Variants in VRK2 observed in about 807,000 individuals in gnomAD.
The protein encoded by VRK2 is VRK serine/threonine kinase 2.
Under a neutral mutation model 57.6 loss-of-function variants are expected in VRK2, and 60 were observed. That is an observed-to-expected ratio of 1.04 (90% CI 0.85 to 1.29). The LOEUF is 1.29. Among genes scored for constraint, VRK2 ranks in the 50% most tolerant of loss-of-function variants. The probability of loss-of-function intolerance (pLI) is 0.00; values close to 1 mark genes in which losing one functional copy is unlikely to be tolerated. For missense variants in VRK2, 705 were observed against 588.1 expected, an observed-to-expected ratio of 1.20 and a Z score of -2.06; for synonymous variants, 231 against 199.2, an observed-to-expected ratio of 1.16 and a Z score of -1.35.
At chr2:57,918,348 A>AT (rs11410659) in intron 1 of VRK2, among the ~76,000 whole-genome samples, 105,270 of 151,560 alleles carry the variant, frequency 0.69, 38,057 homozygotes, top group African/African-American at 0.92. Flanking sequence ...TTTTCATTTC[A>AT]TTTTTTTTGA....
chr2:57,927,597 C>T (rs1670582439), intron 1 of VRK2, among the ~76,000 whole-genome samples: 1 of 152,182 alleles, frequency 6.6e-6, no homozygotes, highest in South Asian at 2.1e-4. Flanking sequence ...ACCACAATTA[C>T]AGTTATAATA....
upstream of VRK2, among the ~76,000 whole-genome samples, chr2:58,042,185 C>T (rs757028684): frequency 6.6e-6 from 1 of 152,024 alleles, no homozygotes; most frequent in Non-Finnish European, 1.5e-5. Flanking sequence ...TTTTAATATT[C>T]TAATTCTTCA....
At chr2:58,080,427 T>A (rs947830589) in intron 2 of VRK2, among the ~76,000 whole-genome samples, 1 of 152,038 alleles carries the variant, frequency 6.6e-6, no homozygotes, top group African/African-American at 2.4e-5. Flanking sequence ...TATTGTCTGC[T>A]TGCCTATACA....
At chr2:58,137,233 CATAT>C (rs1298821354) in intron 10 of VRK2, among the ~76,000 whole-genome samples, 36 of 29,410 alleles carry the variant, frequency 1.2e-3, no homozygotes, top group Non-Finnish European at 3.0e-3. Flanking sequence ...TCATATGATA[CATAT>C]ATATCATATA....
At chr2:58,042,006 A>T (rs1674477834), upstream of VRK2, among the ~76,000 whole-genome samples, 1 of 152,024 alleles carries the variant, frequency 6.6e-6, no homozygotes, top group African/African-American at 2.4e-5. Context: ...CCTAAAACAT[A>T]CGAAACCAAA....
rs370814106 is a variant in VRK2, at chr2:58,047,667, A to G, written c.-6+799A>G. On this transcript the variant is annotated intron_variant, in intron 1 of 12. Coordinates refer to ENST00000340157, the MANE Select transcript of VRK2 (RefSeq NM_006296.7). ...AATGTACTGGTCAAGGGAAACCTCC[A>G]CAAAAACTTTTCCTGCTTTATGATA... Among the ~76,000 whole-genome samples the G allele has an allele frequency of 8.5e-5, 13 of 152,366 alleles. No individual in the cohort carries two copies. The East Asian group carries it at 1.4e-3, about 16-fold the overall frequency.
At chr2:58,028,695 T>C (rs1031061661) in intron 2 of VRK2, among the ~76,000 whole-genome samples, 3 of 150,462 alleles carry the variant, frequency 2.0e-5, no homozygotes, top group East Asian at 2.0e-4. Flanking sequence ...ATGAGAACAC[T>C]TGGACACAGG....
Position 57,972,413 on chromosome 2 carries a change from T to C in VRK2, c.-438-53252T>C, listed in dbSNP as rs1483228247. Among the ~76,000 whole-genome samples, 2 of 151,896 alleles carry C rather than the reference T, an allele frequency of 1.3e-5. 1 individual carries two copies. Among genetic ancestry groups the C allele is most frequent in the Admixed American group, 1.3e-4 (2 of 15,206 alleles). ...TGTGTTTATTTGCTTTATCTTACTA[T>C]ACACATGCAACAGTTACACGATAAT... is the stretch of plus-strand genomic sequence containing the variant. On this transcript the variant is annotated intron_variant, in intron 1 of 15. Transcript: ENST00000417641.
At chr2:58,038,738 T>C (rs866703952) in intron 3 of VRK2, among the ~76,000 whole-genome samples, 3 of 152,246 alleles carry the variant, frequency 2.0e-5, no homozygotes, top group Non-Finnish European at 4.4e-5. Context: ...GAGTTTTCAC[T>C]TTCTTTCTGT....
At chr2:58,119,016 CG>C (rs1676983810) in intron 7 of VRK2, among the ~76,000 whole-genome samples, 1 of 151,986 alleles carries the variant, frequency 6.6e-6, no homozygotes, top group African/African-American at 2.4e-5. Flanking sequence ...TCAGTTAAGG[CG>C]GGGCAGGGCC....
chr2:57,935,070 T>A (rs1670861624), intron 1 of VRK2, among the ~76,000 whole-genome samples: 1 of 152,222 alleles, frequency 6.6e-6, no homozygotes, highest in South Asian at 2.1e-4. Flanking sequence ...AATTGGTAGA[T>A]CTCCATTTCT....
chr2:57,997,501 G>A (rs1445786345), intron 1 of VRK2, among the ~76,000 whole-genome samples: 1 of 152,146 alleles, frequency 6.6e-6, no homozygotes, highest in Non-Finnish European at 1.5e-5. Flanking sequence ...TTTAAATCAT[G>A]CAACTGTCTT....
chr2:58,089,628 C>T lies in VRK2; in HGVS notation c.451-3C>T, dbSNP rs957132007. 1.3e-6 allele frequency: 2 copies of T among 1,556,640 alleles called. No individual in the cohort carries two copies. Among genetic ancestry groups the T allele is most frequent in the Non-Finnish European group, 1.8e-6 (2 of 1,142,070 alleles). On this transcript the variant is annotated splice_polypyrimidine_tract_variant and splice_region_variant and intron_variant, in intron 6 of 12. Coordinates refer to ENST00000340157, the MANE Select transcript of VRK2 (RefSeq NM_006296.7). The stretch of plus-strand genomic sequence containing the variant: ...ACCTTATTTTATCTATTTATTTTCA[C>T]AGTTGGATGTACTGGAATATATACA...
At chr2:58,007,669 AAGCC>A (rs753273518) in intron 1 of VRK2, among the ~76,000 whole-genome samples, 1 of 152,124 alleles carries the variant, frequency 6.6e-6, no homozygotes, top group Non-Finnish European at 1.5e-5. Context: ...TGGTCAACAT[AAGCC>A]TATTAGTAGT....
chr2:57,964,765 A>G (rs1671862388), intron 1 of VRK2, among the ~76,000 whole-genome samples: 1 of 150,676 alleles, frequency 6.6e-6, no homozygotes, highest in Non-Finnish European at 1.5e-5. Flanking sequence ...ACGCACCTGT[A>G]GGCCCAGCTA....
At chr2:58,096,064 C>G (rs1394004338) in intron 7 of VRK2, among the ~76,000 whole-genome samples, 3 of 151,882 alleles carry the variant, frequency 2.0e-5, no homozygotes, top group Admixed American at 1.3e-4. Flanking sequence ...TCATATTTGT[C>G]TCAAATATTT....
At chr2:57,970,414 G>T (rs1419213967) in intron 1 of VRK2, among the ~76,000 whole-genome samples, 1 of 151,204 alleles carries the variant, frequency 6.6e-6, no homozygotes, top group Non-Finnish European at 1.5e-5. Context: ...TATTTAAAAA[G>T]ATCTTGGCTT....
At chr2:57,989,951 T>C (rs1230570386) in intron 1 of VRK2, among the ~76,000 whole-genome samples, 2 of 152,126 alleles carry the variant, frequency 1.3e-5, no homozygotes, top group East Asian at 3.9e-4. Flanking sequence ...AGTTTAAAGT[T>C]CAAGGAGGTC....
intron 1 of VRK2, among the ~76,000 whole-genome samples, chr2:57,951,993 A>G (rs1671441578): frequency 6.7e-6 from 1 of 150,036 alleles, no homozygotes; most frequent in South Asian, 2.1e-4. Context: ...TACTAGCCTC[A>G]AGAGATCCTC....
Sources: gnomAD v4.1 joint callset for allele counts (sites outside exome capture counted in the v4.1 genomes callset) on GRCh38, gnomAD v4.1.1 for gene constraint, MANE v1.5 for transcripts, NCBI Gene and HGNC (gene_info 2026-07-23, HGNC 2026-07-21) for gene names.